EXT1: variants seen among roughly 807,000 people sequenced by gnomAD.
The protein encoded by EXT1 is exostosin-1.
In EXT1, 20 loss-of-function variants were observed where a neutral mutation model predicts 82.5. The ratio of observed to expected loss-of-function variants is 0.24; its 90% CI spans 0.17 to 0.35. EXT1 has a LOEUF of 0.35. EXT1 is among the 10% of genes least tolerant of loss of function. EXT1 has a pLI of 1.00. For synonymous variants in EXT1, 348 were observed against 350.8 expected (o/e 0.99, Z 0.09); for missense variants, 757 against 936.5 (o/e 0.81, Z 2.50).
chr8:117,938,123 T>A (rs1371725118), intron 1 of EXT1, among the ~76,000 whole-genome samples: 1 of 152,236 alleles, frequency 6.6e-6, no homozygotes, highest in African/African-American at 2.4e-5. Context: ...ACTGCAGTGC[T>A]ATCCACTATG....
Position 117,804,802 on chromosome 8 carries a change from A to G in EXT1, c.1975T>C (p.Phe659Leu), listed in dbSNP as rs768587413. Residue 659 changes from phenylalanine (F) to leucine (L), a missense_variant, in exon 10 of 11, where the codon TTC becomes CTC. Phe to Leu is a conservative substitution (Grantham distance 22, BLOSUM62 0). Transcript: ENST00000378204. ...LANCEDILMN[F>L]LVSAVTKLPP... is the part of the protein sequence containing the mutation. Reference sequence around the variant, plus strand: ...AATTTTGTCACAGCAGACACCAGGAAGTTCATGAGAATGTCCTCACAATTG... The same window carrying G: ...AATTTTGTCACAGCAGACACCAGGAGGTTCATGAGAATGTCCTCACAATTG... 6.2e-7 allele frequency: 1 copy of G among 1,614,154 alleles called. No individual in the cohort carries two copies. Among genetic ancestry groups the G allele is most frequent in the Non-Finnish European group, 8.5e-7 (1 of 1,179,998 alleles).
At chr8:117,847,293 A>T (rs1812378185) in intron 1 of EXT1, among the ~76,000 whole-genome samples, 1 of 152,216 alleles carries the variant, frequency 6.6e-6, no homozygotes, top group South Asian at 2.1e-4. Flanking sequence ...TCCAAGAATG[A>T]GTTCATTCCT....
intron 1 of EXT1, among the ~76,000 whole-genome samples, chr8:118,040,853 G>C (rs1170260225): frequency 6.6e-6 from 1 of 152,138 alleles, no homozygotes; most frequent in Non-Finnish European, 1.5e-5. Flanking sequence ...TGTCAGTTAA[G>C]CTACTAAATT....
At chr8:118,030,381 T>C (rs1439843275) in intron 1 of EXT1, among the ~76,000 whole-genome samples, 1 of 152,200 alleles carries the variant, frequency 6.6e-6, no homozygotes, top group Non-Finnish European at 1.5e-5. Context: ...GTACACCATA[T>C]AAATAGTAAT....
At chr8:117,911,838 A>G (rs1235393858) in intron 1 of EXT1, among the ~76,000 whole-genome samples, 3 of 152,234 alleles carry the variant, frequency 2.0e-5, no homozygotes, top group African/African-American at 7.2e-5. Context: ...TGCCTTCTGC[A>G]GAGCAAGCAC....
In EXT1 at chr8:117,972,499, T is replaced by C. The variant is rs148294933; in HGVS notation, c.963-135298A>G. Among the ~76,000 whole-genome samples the C allele has an allele frequency of 2.9e-4, 44 of 152,294 alleles. 1 individual carries two copies. Among genetic ancestry groups the C allele is most frequent in the African/African-American group, 1.0e-3 (42 of 41,556 alleles). On this transcript the variant is annotated intron_variant, in intron 1 of 10. Coordinates refer to ENST00000378204, the MANE Select transcript of EXT1 (RefSeq NM_000127.3). ...GTGAAGAGGTGTCAGGAGAGCAACTTCATTATCCTCTAAGTGCCTTTTTCC... is the reference window on the plus strand; with the variant it reads ...GTGAAGAGGTGTCAGGAGAGCAACTCCATTATCCTCTAAGTGCCTTTTTCC...
At chr8:117,864,654 C>T (rs1424246609) in intron 1 of EXT1, among the ~76,000 whole-genome samples, 5 of 150,036 alleles carry the variant, frequency 3.3e-5, no homozygotes, top group Non-Finnish European at 7.4e-5. Context: ...GAGGCTGAGG[C>T]AGGAGAATGG....
chr8:117,876,122 T>C (rs543859659), intron 1 of EXT1, among the ~76,000 whole-genome samples: 1 of 152,372 alleles, frequency 6.6e-6, no homozygotes, highest in African/African-American at 2.4e-5. Context: ...TCTAATAGTC[T>C]AACCATTAAT....
At chr8:118,036,072 C>CTTT (rs562751386) in intron 1 of EXT1, among the ~76,000 whole-genome samples, 2 of 141,106 alleles carry the variant, frequency 1.4e-5, no homozygotes, top group African/African-American at 5.2e-5. Context: ...GTATCTCAGT[C>CTTT]TTTTTTTTTT....
At chr8:117,979,379 C>A (rs67005813) in intron 1 of EXT1, among the ~76,000 whole-genome samples, 62,070 of 115,330 alleles carry the variant, frequency 0.54, 13,291 homozygotes, top group Admixed American at 0.62. Flanking sequence ...AACAAACAAA[C>A]AAAAAAACAA....
At chr8:117,971,511 A>T (rs956624352) in intron 1 of EXT1, among the ~76,000 whole-genome samples, 1 of 152,240 alleles carries the variant, frequency 6.6e-6, no homozygotes, top group Non-Finnish European at 1.5e-5. Context: ...TAAATTAGAG[A>T]AGCAGTCTAC....
intron 9 of EXT1, among the ~76,000 whole-genome samples, chr8:117,805,781 G>A (rs1047123388): frequency 3.3e-5 from 5 of 152,172 alleles, no homozygotes; most frequent in Admixed American, 6.5e-5. Context: ...TTTGTTACTG[G>A]TTGAGTGGGG....
intron 1 of EXT1, among the ~76,000 whole-genome samples, chr8:118,008,030 T>C (rs1198862041): frequency 6.6e-6 from 1 of 152,062 alleles, no homozygotes; most frequent in African/African-American, 2.4e-5. Flanking sequence ...CCAAAACAAA[T>C]TAACTAATAA....
intron 1 of EXT1, among the ~76,000 whole-genome samples, chr8:117,964,902 TGCTATGATTACAG>T: frequency 6.6e-6 from 1 of 152,102 alleles, no homozygotes; most frequent in Non-Finnish European, 1.5e-5. Context: ...CCTCCCAAAG[TGCTATGATTACAG>T]GCATGAGCCA....
intron 3 of EXT1, 120 bp downstream of exon 3, chr8:117,835,324 A>G (rs1290901064): frequency 1.3e-6 from 1 of 752,200 alleles, no homozygotes; most frequent in African/African-American, 1.7e-5. Flanking sequence ...TGACACAGGT[A>G]ATTTTCTCCT....
At chr8:117,812,568 A>G (rs1293187995) in intron 8 of EXT1, among the ~76,000 whole-genome samples, 1 of 152,034 alleles carries the variant, frequency 6.6e-6, no homozygotes, top group Non-Finnish European at 1.5e-5. Context: ...GTTCTGCGCA[A>G]CTGCTCACAA....
rs1190332693 is a variant in EXT1 at position 117,799,096 on chromosome 8, T to G, written c.*616A>C. 1 of 150,746 alleles carries G rather than the reference T, an allele frequency of 6.6e-6. No individual in the cohort carries two copies. Among genetic ancestry groups the G allele is most frequent in the African/African-American group, 2.4e-5 (1 of 40,826 alleles). The allele number at this position is 150,746 out of a possible 1,614,324, so 9.3% of individuals were successfully genotyped here. A position where few individuals can be genotyped will look rare whatever the true frequency, so the allele number is the denominator to read the frequency against. ...TCAGTTAGAACTGCCTACCTGGAAG[T>G]CGTAATACTTTCTTTCATGCAGCGA... On this transcript the variant is annotated 3_prime_UTR_variant, in exon 11 of 11. Transcript: ENST00000378204.
chr8:117,863,657 C>T (rs374813084), intron 1 of EXT1, among the ~76,000 whole-genome samples: 3 of 152,224 alleles, frequency 2.0e-5, no homozygotes, highest in African/African-American at 4.8e-5. Context: ...AGTAAATCAG[C>T]GCACTAGATA....
chr8:117,802,610 G>A (rs1433955020), intron 10 of EXT1, among the ~76,000 whole-genome samples: 2 of 152,180 alleles, frequency 1.3e-5, no homozygotes, highest in East Asian at 3.9e-4. Flanking sequence ...ACTTGATAAT[G>A]TTTGGATAAT....
Sources: allele counts gnomAD v4.1 joint callset (sites outside exome capture counted in the v4.1 genomes callset), GRCh38; gene constraint gnomAD v4.1.1; transcripts MANE v1.5; gene names NCBI Gene and HGNC (gene_info 2026-07-23, HGNC 2026-07-21).